Variants in FUBP3 observed in about 807,000 individuals in gnomAD.
FUBP3 encodes far upstream element-binding protein 3.
A neutral mutation model predicts 85.6 loss-of-function variants in FUBP3; 28 were observed. The ratio of observed to expected loss-of-function variants is 0.33; its 90% CI spans 0.24 to 0.45. FUBP3 has a LOEUF of 0.45. Ranked by LOEUF, FUBP3 falls within the 20% of genes least tolerant of loss-of-function variation. FUBP3 has a pLI of 1.00. For synonymous variants in FUBP3, 271 were observed against 271.4 expected, an observed-to-expected ratio of 1.00 and a Z score of 0.01; for missense variants, 583 against 755.1, an observed-to-expected ratio of 0.77 and a Z score of 2.67.
chr9:130,630,683 G>A lies in FUBP3; in HGVS notation c.1173G>A (p.Gln391=). 1 of 1,601,658 alleles carries A rather than the reference G, an allele frequency of 6.2e-7. No homozygotes were observed. The highest frequency in any genetic ancestry group is 8.5e-7 in the Non-Finnish European group (1 of 1,174,316). ...AGTCAGGGGCGCACGTGGAGCTTCA[G>A]AGGAACCCCCCTCCCAACAGCGACC... The part of the protein sequence containing the change: ...NQQSGAHVEL[Q]RNPPPNSDPN... Residue 391 remains glutamine (Q), a synonymous_variant, in exon 13 of 19, where the codon CAG becomes CAA. Coordinates refer to ENST00000319725, the MANE Select transcript of FUBP3 (RefSeq NM_003934.2).
chr9:130,618,148 A>T (rs143314183), intron 8 of FUBP3, among the ~76,000 whole-genome samples: 6 of 152,318 alleles, frequency 3.9e-5, no homozygotes, highest in Non-Finnish European at 8.8e-5. Context: ...CACCGGCCAT[A>T]TCTCAAATGC....
intron 1 of FUBP3, among the ~76,000 whole-genome samples, chr9:130,586,002 G>GT (rs913814114): frequency 1.9e-4 from 29 of 152,254 alleles, no homozygotes; most frequent in Non-Finnish European, 3.4e-4. Context: ...TTGTTTGTTG[G>GT]TTTTGGGTTT....
At chr9:130,634,555 G>C in intron 16 of FUBP3, 112 bp from the exon 17 acceptor site, 2 of 775,692 alleles carry the variant, frequency 2.6e-6, no homozygotes, top group East Asian at 5.3e-5. Context: ...GCGGAGCCGT[G>C]TGTGGCCAGG....
At chr9:130,589,695 ATATATATATATTTTTT>A (rs1449726850) in intron 1 of FUBP3, among the ~76,000 whole-genome samples, 4 of 29,992 alleles carry the variant, frequency 1.3e-4, no homozygotes, top group Admixed American at 9.6e-4. Flanking sequence ...ATATATATAT[ATATATATATATTTTTT>A]TTTTTTTTTT....
At chr9:130,620,237 C>T in intron 8 of FUBP3, 117 bp from the exon 9 acceptor site, 1 of 594,644 alleles carries the variant, frequency 1.7e-6, no homozygotes, top group Non-Finnish European at 3.0e-6. Context: ...GTGAATTGTC[C>T]TACAGCTGAG....
rs1236916749 is a variant in FUBP3 at position 130,620,432 on chromosome 9, T to G, written c.745T>G (p.Ser249Ala). Residue 249 changes from serine (S) to alanine (A), a missense_variant, in exon 9 of 19, where the codon TCT becomes GCT. Ser to Ala is a moderately conservative substitution (Grantham distance 99). Transcript: ENST00000319725. ...DFRGVRGDFN[S>A]RMGGGSIEVS... is the part of the protein sequence containing the mutation. Reference sequence around the variant, plus strand: ...TCGGGGTGTACGCGGCGATTTCAACTCTCGAATGGGAGGAGGCAGTATAGA... The same window carrying G: ...TCGGGGTGTACGCGGCGATTTCAACGCTCGAATGGGAGGAGGCAGTATAGA... The G allele has an allele frequency of 6.3e-7, 1 of 1,597,588 alleles. No homozygotes were observed. Among genetic ancestry groups the G allele is most frequent in the Non-Finnish European group, 8.6e-7 (1 of 1,168,330 alleles).
At chr9:130,604,670 G>C (rs1459537944) in intron 2 of FUBP3, among the ~76,000 whole-genome samples, 2 of 152,214 alleles carry the variant, frequency 1.3e-5, no homozygotes, top group Admixed American at 1.3e-4. Flanking sequence ...GGCCAAGGCA[G>C]ACAGATCAAC....
At chr9:130,606,842 T>C (rs1478308499) in intron 2 of FUBP3, among the ~76,000 whole-genome samples, 2 of 151,648 alleles carry the variant, frequency 1.3e-5, no homozygotes, top group Admixed American at 1.3e-4. Flanking sequence ...AAAGCTGATG[T>C]GTATTGCAAA....
chr9:130,592,326 T>C (rs892275938), intron 1 of FUBP3, among the ~76,000 whole-genome samples: 1 of 152,362 alleles, frequency 6.6e-6, no homozygotes, highest in Non-Finnish European at 1.5e-5. Flanking sequence ...CTTTTTGTTT[T>C]GTTTTGTTTT....
intron 1 of FUBP3, among the ~76,000 whole-genome samples, chr9:130,594,088 A>T (rs1830746198): frequency 6.6e-6 from 1 of 152,172 alleles, no homozygotes; most frequent in Non-Finnish European, 1.5e-5. Context: ...ATCACACATC[A>T]GTTTATAGAC....
At chr9:130,607,587 C>T (rs1050178395) in intron 2 of FUBP3, among the ~76,000 whole-genome samples, 1 of 152,138 alleles carries the variant, frequency 6.6e-6, no homozygotes, top group African/African-American at 2.4e-5. Context: ...CATCTGCCTC[C>T]TTAGTGTGAC....
At chr9:130,623,514 C>T in intron 10 of FUBP3, 97 bp from the exon 11 acceptor site, 2 of 797,090 alleles carry the variant, frequency 2.5e-6, no homozygotes, top group Admixed American at 2.0e-5. Flanking sequence ...CCCCTTTTGG[C>T]ACCGCGGGTG....
chr9:130,633,478 G>A (rs1279245022), intron 16 of FUBP3, among the ~76,000 whole-genome samples: 1 of 152,220 alleles, frequency 6.6e-6, no homozygotes, highest in Non-Finnish European at 1.5e-5. Context: ...AGGCCTTCAG[G>A]GGAAACGGCC....
intron 5 of FUBP3, among the ~76,000 whole-genome samples, chr9:130,613,324 C>A (rs1831845644): frequency 1.3e-5 from 2 of 152,184 alleles, no homozygotes; most frequent in African/African-American, 4.8e-5. Context: ...GAATGTTATG[C>A]CAGACATAGT....
At chr9:130,629,392 T>C (rs1355388819) in intron 12 of FUBP3, among the ~76,000 whole-genome samples, 1 of 152,256 alleles carries the variant, frequency 6.6e-6, no homozygotes, top group East Asian at 1.9e-4. Flanking sequence ...GTCTTCTGCA[T>C]GCGACCTTAT....
intron 7 of FUBP3, among the ~76,000 whole-genome samples, 186 bp from the exon 8 acceptor site, chr9:130,617,611 A>G (rs769410379): frequency 1.3e-5 from 2 of 152,252 alleles, no homozygotes; most frequent in South Asian, 4.1e-4. Context: ...GCATTTGGAC[A>G]TGGTCGTACC....
At chr9:130,591,707 T>C (rs1292830746) in intron 1 of FUBP3, among the ~76,000 whole-genome samples, 3 of 152,208 alleles carry the variant, frequency 2.0e-5, no homozygotes, top group African/African-American at 7.2e-5. Context: ...ACTACTCTCA[T>C]AGTGGAAATT....
intron 1 of FUBP3, among the ~76,000 whole-genome samples, 162 bp downstream of exon 1, chr9:130,579,926 A>T (rs143384980): frequency 4.5e-4 from 69 of 151,804 alleles, no homozygotes; most frequent in Non-Finnish European, 5.7e-4. Flanking sequence ...AGCCGGGGGG[A>T]TAAGGCGCCA....
At chr9:130,622,857 ATCCTTAGTGTT>A in intron 10 of FUBP3, 47 bp downstream of exon 10, 14 of 883,610 alleles carry the variant, frequency 1.6e-5, no homozygotes, top group Non-Finnish European at 2.3e-5. Context: ...AAAAAAAAAA[ATCCTTAGTGTT>A]AAAAGGATGA....
Sources: gnomAD v4.1 joint callset for allele counts (sites outside exome capture counted in the v4.1 genomes callset) on GRCh38, gnomAD v4.1.1 for gene constraint, MANE v1.5 for transcripts, NCBI Gene and HGNC (gene_info 2026-07-23, HGNC 2026-07-21) for gene names.